FADS2: variants seen among roughly 807,000 people sequenced by gnomAD.
FADS2 encodes fatty acid desaturase 2.
Under a neutral mutation model 61.2 loss-of-function variants are expected in FADS2, and 18 were observed. The observed-to-expected ratio is 0.29, with a 90% confidence interval of 0.20 to 0.44. The LOEUF is 0.44. Ranked by LOEUF, FADS2 falls within the 20% of genes least tolerant of loss-of-function variation. The probability of loss-of-function intolerance (pLI) is 1.00; values close to 1 mark genes in which losing one functional copy is unlikely to be tolerated. For missense variants in FADS2, 322 were observed against 572.7 expected (o/e 0.56, Z 4.47); for synonymous variants, 203 against 223.9 (o/e 0.91, Z 0.83).
intron 10 of FADS2, chr11:61,864,168 GC>G (rs1247861780): frequency 1.0e-5 from 2 of 200,160 alleles, no homozygotes; most frequent in African/African-American, 4.7e-5. Context: ...CCTTGTCCTT[GC>G]TTCACCTCTT....
At chr11:61,832,298 C>T (rs990478731) in intron 1 of FADS2, among the ~76,000 whole-genome samples, 1 of 152,166 alleles carries the variant, frequency 6.6e-6, no homozygotes, top group East Asian at 1.9e-4. Flanking sequence ...CTCCTTTGCA[C>T]GGGGCAGGAG....
In FADS2 at chr11:61,865,629, A is replaced by T. The variant is rs1056712466; in HGVS notation, c.1284-9A>T. On this transcript the variant is annotated splice_polypyrimidine_tract_variant and intron_variant, in intron 11 of 11. Coordinates refer to ENST00000278840, the MANE Select transcript of FADS2 (RefSeq NM_004265.4). The surrounding 1 kb of genome is among the most constrained non-coding windows in gnomAD (Gnocchi z 4.1). ...GGTCCCTGACCCTGGTCCATCCCCA[A>T]CTTTGCAGGTCCCTGAAGAAGTCTG... 3 of 1,612,804 alleles carry T rather than the reference A, an allele frequency of 1.9e-6. No individual in the cohort carries two copies. The African/African-American group carries it at 4.0e-5, about 22-fold the overall frequency.
In FADS2 at chr11:61,834,026, C is replaced by T. The variant is rs150975161; in HGVS notation, c.208-3752C>T. Among the ~76,000 whole-genome samples the T allele has an allele frequency of 1.1e-3, 167 of 152,296 alleles. 1 individual carries two copies. The highest frequency in any genetic ancestry group is 3.8e-3 in the African/African-American group (159 of 41,558). On this transcript the variant is annotated intron_variant, in intron 1 of 11. Coordinates refer to ENST00000278840, the MANE Select transcript of FADS2 (RefSeq NM_004265.4). Reference sequence around the variant, plus strand: ...GTGGGTACGTCACGCAGTCTGATGACGAACCTTGATGACTGCTATGAAGAT... The same window carrying T: ...GTGGGTACGTCACGCAGTCTGATGATGAACCTTGATGACTGCTATGAAGAT...
intron 4 of FADS2, among the ~76,000 whole-genome samples, chr11:61,843,669 G>GT (rs2067233698): frequency 6.6e-6 from 1 of 152,094 alleles, no homozygotes; most frequent in African/African-American, 2.4e-5. Context: ...GTTTTGTTTT[G>GT]TTTTTTGAGA....
intron 1 of FADS2, among the ~76,000 whole-genome samples, chr11:61,832,769 C>T (rs911140536): frequency 6.6e-6 from 1 of 152,226 alleles, no homozygotes; most frequent in Non-Finnish European, 1.5e-5. Flanking sequence ...CCCTCCTGTG[C>T]ATCTCCACAC....
chr11:61,846,880 C>G (rs1457739348), intron 4 of FADS2: 1 of 151,956 alleles, frequency 6.6e-6, no homozygotes, highest in Admixed American at 6.5e-5. Flanking sequence ...TGGTGTGACA[C>G]GAATCTCAGG....
chr11:61,835,216 G>A (rs951903255), intron 1 of FADS2, among the ~76,000 whole-genome samples: 5 of 152,212 alleles, frequency 3.3e-5, no homozygotes, highest in Non-Finnish European at 7.4e-5. Context: ...TCTCCTGCAC[G>A]AAGTGTTGCT....
chr11:61,850,977 T>C (rs1387132868), intron 5 of FADS2, among the ~76,000 whole-genome samples: 2 of 152,164 alleles, frequency 1.3e-5, no homozygotes, highest in East Asian at 3.8e-4. Flanking sequence ...GGAACGTGGA[T>C]TTTTCTGTAA....
At chr11:61,858,165 C>A (rs983913322) in intron 7 of FADS2, among the ~76,000 whole-genome samples, 2 of 152,072 alleles carry the variant, frequency 1.3e-5, no homozygotes, top group Non-Finnish European at 2.9e-5. Context: ...GTCCAAATAT[C>A]CCTCTTTAAA....
chr11:61,839,519 C>G (rs2067201390), intron 2 of FADS2, among the ~76,000 whole-genome samples: 1 of 152,030 alleles, frequency 6.6e-6, no homozygotes, highest in South Asian at 2.1e-4. Flanking sequence ...GATGGAGTTT[C>G]ACTATGTTGG....
Position 61,816,376 on chromosome 11 carries a change from C to T in FADS2, c.91C>T (p.Leu31Phe), listed in dbSNP as rs546691103. 6.3e-7 allele frequency: 1 copy of T among 1,598,510 alleles called. No individual in the cohort carries two copies. Among genetic ancestry groups the T allele is most frequent in the African/African-American group, 1.3e-5 (1 of 75,068 alleles). The change falls in exon 1 of 12, where the codon CTC becomes TTC. Residue 31 changes from leucine to phenylalanine, a missense_variant. Coordinates refer to the FADS2 transcript ENST00000257261. The surrounding 1 kb of genome is among the most constrained non-coding windows in gnomAD (Gnocchi z 7.0). ...CCAGACTCCACTTCTCCAGGCCTCTCTCCCGCCTTTTCATCCCGCATCCGC... is the reference window on the plus strand; with the variant it reads ...CCAGACTCCACTTCTCCAGGCCTCTTTCCCGCCTTTTCATCCCGCATCCGC...
At chr11:61,834,989 A>G (rs199649489) in intron 1 of FADS2, among the ~76,000 whole-genome samples, 3 of 26,172 alleles carry the variant, frequency 1.1e-4, no homozygotes, top group Admixed American at 1.0e-3. Flanking sequence ...CTGCCCCCCC[A>G]CCCCAGCCCT....
In FADS2 at chr11:61,857,110, C is replaced by T. The variant is rs756249217; in HGVS notation, c.805+39C>T. On this transcript the variant is annotated intron_variant, in intron 6 of 11. Coordinates refer to ENST00000278840, the MANE Select transcript of FADS2 (RefSeq NM_004265.4). ...GCCCCGAAATCACTCTGGGACCCTC[C>T]CCTCCCCCCAGAGTGGCGTGTCTCT... 7.8e-6 allele frequency: 12 copies of T among 1,547,760 alleles called. No homozygotes were observed. In the Admixed American group the frequency reaches 8.4e-5, roughly 11 times the overall value.
chr11:61,865,067 C>A lies in FADS2; in HGVS notation c.1158-85C>A. 1 of 1,512,646 alleles carries A rather than the reference C, an allele frequency of 6.6e-7. No individual in the cohort carries two copies. The highest frequency in any genetic ancestry group is 8.9e-7 in the Non-Finnish European group (1 of 1,117,374). 93.7% of individuals were successfully genotyped at this position (1,512,646 alleles called of 1,614,324 possible). A position where few individuals can be genotyped will look rare whatever the true frequency, so the allele number is the denominator to read the frequency against. Reference sequence around the variant, plus strand: ...GGACAGGGTCTCTGAGGGCCCCAGCCAGCCTCTGCCCAGGTGGTGGGAGGA... The same window carrying A: ...GGACAGGGTCTCTGAGGGCCCCAGCAAGCCTCTGCCCAGGTGGTGGGAGGA... On this transcript the variant is annotated intron_variant, in intron 10 of 11. Transcript: ENST00000278840. This position sits in a 1 kb window ranked among gnomAD's most constrained non-coding sequence, Gnocchi z 4.1.
chr11:61,823,441 A>C (rs969304720), upstream of FADS2, among the ~76,000 whole-genome samples: 2 of 152,172 alleles, frequency 1.3e-5, no homozygotes, highest in African/African-American at 4.8e-5. Context: ...CAGCACTAGC[A>C]ATCTGTGCTT....
intron 2 of FADS2, among the ~76,000 whole-genome samples, chr11:61,838,104 C>T (rs2067189768): frequency 6.6e-6 from 1 of 152,186 alleles, no homozygotes; most frequent in Non-Finnish European, 1.5e-5. Context: ...TCTCCTCTCT[C>T]CTGGCCAGTT....
intron 1 of FADS2, among the ~76,000 whole-genome samples, chr11:61,829,804 G>C (rs1275036935): frequency 2.0e-5 from 3 of 152,204 alleles, no homozygotes; most frequent in Non-Finnish European, 4.4e-5. Flanking sequence ...TCTCTAAGCT[G>C]TGTAGGCCCG....
chr11:61,845,883 C>T (rs902274054), intron 4 of FADS2, among the ~76,000 whole-genome samples: 4 of 152,054 alleles, frequency 2.6e-5, no homozygotes, highest in Admixed American at 1.3e-4. Flanking sequence ...CAGGGAGAAC[C>T]GGGACTGCCC....
At chr11:61,860,202 C>G (rs1300222198) in intron 7 of FADS2, among the ~76,000 whole-genome samples, 1 of 152,256 alleles carries the variant, frequency 6.6e-6, no homozygotes, top group Admixed American at 6.5e-5. Context: ...TGGTGGGCGT[C>G]TAGCCAGGAT....
Sources: allele counts gnomAD v4.1 joint callset (sites outside exome capture counted in the v4.1 genomes callset), GRCh38; gene constraint gnomAD v4.1.1; non-coding constraint Gnocchi (gnomAD v3.1); transcripts MANE v1.5; gene names NCBI Gene and HGNC (gene_info 2026-07-23, HGNC 2026-07-21).